Variants in SLC35F1 observed in about 807,000 individuals in gnomAD.
SLC35F1 encodes the protein solute carrier family 35 member F1.
SLC35F1 carries 14 observed loss-of-function variants against 48.7 expected under a neutral mutation model. The observed-to-expected ratio is 0.29, with a 90% CI of 0.19 to 0.45. The LOEUF (loss-of-function observed/expected upper bound fraction) is 0.45. Ranked by LOEUF, SLC35F1 falls within the 20% of genes least tolerant of loss-of-function variation. The pLI, the probability that SLC35F1 is intolerant of heterozygous loss-of-function variation, is 1.00. For missense variants in SLC35F1, 404 were observed against 500.0 expected (o/e 0.81, Z 1.83); for synonymous variants, 190 against 202.2 (o/e 0.94, Z 0.51).
At position 118,170,477 on chromosome 6, in the gene SLC35F1, T is replaced by C. The variant is rs573086709; in HGVS notation, c.349+15857T>C. Among the ~76,000 whole-genome samples the C allele has an allele frequency of 6.6e-5, 10 of 152,358 alleles. No individual in the cohort carries two copies. The East Asian group carries it at 1.9e-3, about 29-fold the overall frequency. On this transcript the variant is annotated intron_variant, in intron 2 of 7. Transcript: ENST00000360388. ...TTCTTTGAGACAAGGTATGGCCCTG[T>C]CACCCAGGCTGGAGTGCAGTGGTGC... is the stretch of plus-strand genomic sequence containing the variant.
At chr6:118,076,682 G>T (rs1772823693) in intron 1 of SLC35F1, among the ~76,000 whole-genome samples, 1 of 152,174 alleles carries the variant, frequency 6.6e-6, no homozygotes, top group Non-Finnish European at 1.5e-5. Flanking sequence ...AATTTGACAT[G>T]AGATTTGGGT....
chr6:117,912,177 G>A (rs889281948), intron 1 of SLC35F1, among the ~76,000 whole-genome samples: 1 of 152,146 alleles, frequency 6.6e-6, no homozygotes, highest in African/African-American at 2.4e-5. Context: ...CATTAGAATG[G>A]AATCACTACT....
chr6:118,066,210 AATCATTTAAC>A (rs1237197106), intron 1 of SLC35F1, among the ~76,000 whole-genome samples: 2 of 152,224 alleles, frequency 1.3e-5, no homozygotes, highest in African/African-American at 4.8e-5. Context: ...CTAATATTTA[AATCATTTAAC>A]TGCCATGCAA....
chr6:118,155,413 C>T (rs111843513), intron 2 of SLC35F1, among the ~76,000 whole-genome samples: 7 of 152,262 alleles, frequency 4.6e-5, no homozygotes, highest in African/African-American at 1.7e-4. Flanking sequence ...TAGATTAATG[C>T]CATTATCATG....
chr6:118,295,608 C>A (rs1443954738), intron 7 of SLC35F1, among the ~76,000 whole-genome samples: 1 of 152,154 alleles, frequency 6.6e-6, no homozygotes, highest in Non-Finnish European at 1.5e-5. Context: ...GGCAGGCAGC[C>A]TCAACCTGTG....
chr6:118,280,423 T>C (rs1045214955), intron 6 of SLC35F1, among the ~76,000 whole-genome samples: 1 of 152,194 alleles, frequency 6.6e-6, no homozygotes, highest in African/African-American at 2.4e-5. Flanking sequence ...GCTTGTGGTA[T>C]GCAGGGGCCT....
At chr6:117,961,681 C>T (rs1243888029) in intron 1 of SLC35F1, among the ~76,000 whole-genome samples, 2 of 152,054 alleles carry the variant, frequency 1.3e-5, no homozygotes, top group Non-Finnish European at 2.9e-5. Flanking sequence ...GCTATTAGTC[C>T]GTTCTGAAGT....
chr6:118,226,426 A>G (rs1023208358), intron 2 of SLC35F1, among the ~76,000 whole-genome samples: 2 of 152,156 alleles, frequency 1.3e-5, no homozygotes, highest in Admixed American at 6.6e-5. Flanking sequence ...TTATTGCAGC[A>G]CTATTCACAA....
intron 2 of SLC35F1, among the ~76,000 whole-genome samples, chr6:118,231,782 T>C (rs1298956935): frequency 6.6e-6 from 1 of 152,200 alleles, no homozygotes; most frequent in Non-Finnish European, 1.5e-5. Flanking sequence ...TTCAGTGCTA[T>C]GTATTGAGAT....
At chr6:117,981,562 T>G (rs534163719) in intron 1 of SLC35F1, among the ~76,000 whole-genome samples, 4 of 152,080 alleles carry the variant, frequency 2.6e-5, no homozygotes, top group African/African-American at 9.7e-5. Context: ...GGGATTACAT[T>G]ATTGAAATGC....
At chr6:118,043,386 G>A (rs1172391274) in intron 1 of SLC35F1, among the ~76,000 whole-genome samples, 1 of 151,772 alleles carries the variant, frequency 6.6e-6, no homozygotes, top group African/African-American at 2.4e-5. Context: ...TCACAGAGAA[G>A]AGTTTTGAAT....
At chr6:118,272,750 C>CATAT (rs71554898) in intron 4 of SLC35F1, among the ~76,000 whole-genome samples, 78 of 122,576 alleles carry the variant, frequency 6.4e-4, no homozygotes, top group Admixed American at 1.1e-3. Flanking sequence ...TATATATATA[C>CATAT]ATATATATAT....
chr6:117,955,245 A>T (rs1776413915), intron 1 of SLC35F1, among the ~76,000 whole-genome samples: 1 of 152,228 alleles, frequency 6.6e-6, no homozygotes, highest in African/African-American at 2.4e-5. Flanking sequence ...TATTGCCAGA[A>T]GAAGTACCTT....
At chr6:117,936,345 G>A (rs1372960125) in intron 1 of SLC35F1, among the ~76,000 whole-genome samples, 1 of 152,162 alleles carries the variant, frequency 6.6e-6, no homozygotes, top group Non-Finnish European at 1.5e-5. Context: ...TGGGTAGTTG[G>A]TGGTAGGATT....
rs1380585273 is a variant in SLC35F1 at position 118,314,246 on chromosome 6, G to A, written c.1221G>A (p.Val407=). 18 of 1,614,014 alleles carry A rather than the reference G, an allele frequency of 1.1e-5. No individual in the cohort carries two copies. The highest frequency in any genetic ancestry group is 1.1e-5 in the Non-Finnish European group (13 of 1,180,012). Residue 407 remains valine, a synonymous_variant, in exon 8 of 8, where the codon GTG becomes GTA. Coordinates refer to ENST00000360388, the MANE Select transcript of SLC35F1 (RefSeq NM_001029858.4). The part of the protein sequence containing the change: ...QETEEEPHVR[V]A ...CCGAAGAGGAGCCTCATGTTCGTGTGGCCTAGGGTGAGGCCCGCCCTGCCA... is the reference window on the plus strand; with the variant it reads ...CCGAAGAGGAGCCTCATGTTCGTGTAGCCTAGGGTGAGGCCCGCCCTGCCA...
At chr6:117,972,593 G>A (rs1403474463) in intron 1 of SLC35F1, among the ~76,000 whole-genome samples, 2 of 152,186 alleles carry the variant, frequency 1.3e-5, no homozygotes, top group Non-Finnish European at 2.9e-5. Flanking sequence ...AGAAGGCGAA[G>A]GAGGAGCAAA....
At chr6:118,189,315 T>C (rs1774701710) in intron 2 of SLC35F1, among the ~76,000 whole-genome samples, 1 of 152,146 alleles carries the variant, frequency 6.6e-6, no homozygotes, top group African/African-American at 2.4e-5. Flanking sequence ...CTAACAGGTG[T>C]GAGTAATATC....
At chr6:117,924,429 G>A (rs1027112566) in intron 1 of SLC35F1, among the ~76,000 whole-genome samples, 4 of 111,816 alleles carry the variant, frequency 3.6e-5, no homozygotes, top group Admixed American at 1.6e-4. Context: ...ATACACATAC[G>A]CATAACACAT....
intron 3 of SLC35F1, among the ~76,000 whole-genome samples, chr6:118,261,418 C>A (rs1775710091): frequency 6.6e-6 from 1 of 152,132 alleles, no homozygotes; most frequent in Non-Finnish European, 1.5e-5. Flanking sequence ...ACACTATATA[C>A]AAATATGCAT....
Sources: gnomAD v4.1 joint callset for allele counts (sites outside exome capture counted in the v4.1 genomes callset) on GRCh38, gnomAD v4.1.1 for gene constraint, MANE v1.5 for transcripts, NCBI Gene and HGNC (gene_info 2026-07-23, HGNC 2026-07-21) for gene names.